TAL1: variants seen among roughly 807,000 people sequenced by gnomAD.
The protein encoded by TAL1 is T-cell acute lymphocytic leukemia protein 1.
Under a neutral mutation model 17.9 loss-of-function variants are expected in TAL1, and 8 were observed. That is an observed-to-expected ratio of 0.45 (90% CI 0.26 to 0.81). The LOEUF is 0.81. Ranked by LOEUF, TAL1 falls within the 30% of genes least tolerant of loss-of-function variation. The probability of loss-of-function intolerance (pLI) is 0.17; values close to 1 mark genes in which losing one functional copy is unlikely to be tolerated. For missense variants in TAL1, 466 were observed against 486.9 expected (o/e 0.96, Z 0.40); for synonymous variants, 223 against 218.6 (o/e 1.02, Z -0.18).
intron 3 of TAL1, 94 bp downstream of exon 4, chr1:47,223,910 G>A (rs1189465745): frequency 9.6e-6 from 12 of 1,244,128 alleles, no homozygotes; most frequent in Non-Finnish European, 1.4e-5. Flanking sequence ...CCATCTTTGT[G>A]AGATACCTAC....
At chr1:47,225,336 C>T in intron 2 of TAL1, 107 bp downstream of exon 3, 2 of 1,062,808 alleles carry the variant, frequency 1.9e-6, no homozygotes, top group East Asian at 3.3e-5. Context: ...GCTCCACCCG[C>T]TCGGCCCCCA....
chr1:47,221,856 C>T (rs978643562), intron 3 of TAL1, among the ~76,000 whole-genome samples: 13 of 152,324 alleles, frequency 8.5e-5, no homozygotes, highest in East Asian at 1.9e-4. Flanking sequence ...CTCTCCTACA[C>T]GCACACAGGC....
chr1:47,225,827 G>C (rs1386471224), exon 2 of TAL1: 1 of 1,582,096 alleles, frequency 6.3e-7, no homozygotes, highest in African/African-American at 1.4e-5. Flanking sequence ...GGCCTCGGCC[G>C]CGTCCCGTCC....
exon 1 of TAL1, chr1:47,229,311 T>C: frequency 5.0e-6 from 1 of 201,936 alleles, no homozygotes; most frequent in Non-Finnish European, 1.0e-5. Flanking sequence ...CCTTTTTCGC[T>C]GAGAGGCCTG....
exon 4 of TAL1, chr1:47,220,131 C>A (rs1645590659): frequency 6.3e-7 from 1 of 1,597,768 alleles, no homozygotes; most frequent in Non-Finnish European, 8.6e-7. Flanking sequence ...GCCATCGCTC[C>A]CGGCTGTTGG....
At chr1:47,222,024 C>T (rs914037453) in intron 3 of TAL1, among the ~76,000 whole-genome samples, 1 of 152,248 alleles carries the variant, frequency 6.6e-6, no homozygotes, top group Non-Finnish European at 1.5e-5. Context: ...GGGAAAAACA[C>T]AGCACAACTG....
intron 3 of TAL1, among the ~76,000 whole-genome samples, chr1:47,222,567 C>A (rs999953312): frequency 6.6e-6 from 1 of 152,120 alleles, no homozygotes; most frequent in African/African-American, 2.4e-5. Context: ...TCTATGGACT[C>A]TTTTTGGGTT....
intron 2 of TAL1, among the ~76,000 whole-genome samples, chr1:47,224,817 G>A (rs933131159): frequency 3.9e-5 from 6 of 152,128 alleles, no homozygotes; most frequent in Non-Finnish European, 7.4e-5. Context: ...TCACAGTAGC[G>A]CCAGCAGGGA....
exon 4 of TAL1, chr1:47,217,592 TC>T (rs1304944419): frequency 2.5e-5 from 10 of 398,618 alleles, no homozygotes; most frequent in Admixed American, 8.8e-5. Flanking sequence ...CTTTACGTTC[TC>T]AAAACTGTCT....
chr1:47,217,340 T>C (rs1355168160), exon 4 of TAL1: 6 of 394,490 alleles, frequency 1.5e-5, no homozygotes, highest in Non-Finnish European at 2.7e-5. Flanking sequence ...ACAGCAATGA[T>C]GGCACCACTG....
At chr1:47,218,785 C>T (rs543162308) in exon 4 of TAL1, 1 of 233,834 alleles carries the variant, frequency 4.3e-6, no homozygotes, top group South Asian at 1.8e-4. Context: ...AGAAATCCCT[C>T]TAAGCATCCA....
chr1:47,222,490 G>A (rs1408876374), intron 3 of TAL1, among the ~76,000 whole-genome samples: 1 of 152,072 alleles, frequency 6.6e-6, no homozygotes, highest in Non-Finnish European at 1.5e-5. Flanking sequence ...TCCAATACAT[G>A]GTAGTAGCAA....
intron 3 of TAL1, among the ~76,000 whole-genome samples, chr1:47,220,727 C>T (rs760093210): frequency 2.0e-5 from 3 of 152,188 alleles, no homozygotes; most frequent in Non-Finnish European, 2.9e-5. Flanking sequence ...CTCAGCTTAG[C>T]AGTCAATAAA....
At chr1:47,227,388 C>T (rs1389650538) in intron 1 of TAL1, 1 of 152,198 alleles carries the variant, frequency 6.6e-6, no homozygotes, top group Non-Finnish European at 1.5e-5. Flanking sequence ...AATTTACCCC[C>T]ATGCAGAGTC....
At chr1:47,217,260 C>A in exon 4 of TAL1, 1 of 361,382 alleles carries the variant, frequency 2.8e-6, no homozygotes, top group Non-Finnish European at 4.9e-6. Flanking sequence ...TGGTGGCTCA[C>A]ACCTGTGGTC....
intron 1 of TAL1, chr1:47,227,276 G>A (rs1053509827): frequency 1.3e-5 from 2 of 152,206 alleles, no homozygotes; most frequent in African/African-American, 4.8e-5. Flanking sequence ...GTTGTGAGTT[G>A]TACATATATG....
At chr1:47,222,560 A>G (rs904154613) in intron 3 of TAL1, among the ~76,000 whole-genome samples, 3 of 152,094 alleles carry the variant, frequency 2.0e-5, no homozygotes, top group South Asian at 4.1e-4. Flanking sequence ...TTCTACTTCT[A>G]TGGACTCTTT....
chr1:47,232,181 G>T (rs1389847957), upstream of TAL1: 2 of 199,590 alleles, frequency 1.0e-5, no homozygotes, highest in South Asian at 1.7e-4. Flanking sequence ...TTCCGCTACG[G>T]GGGTACGCGT....
upstream of TAL1, among the ~76,000 whole-genome samples, chr1:47,231,445 C>T (rs1389376489): frequency 1.3e-5 from 2 of 151,790 alleles, no homozygotes; most frequent in African/African-American, 2.4e-5. Context: ...ACACAGGGTC[C>T]AGCCCCACAG....
Sources: gnomAD v4.1 joint callset for allele counts (sites outside exome capture counted in the v4.1 genomes callset) on GRCh38, gnomAD v4.1.1 for gene constraint, MANE v1.5 for transcripts, NCBI Gene and HGNC (gene_info 2026-07-23, HGNC 2026-07-21) for gene names.